The following NR6A1 variants were observed in gnomAD, a reference collection of about 807,000 sequenced individuals.
The protein encoded by NR6A1 is nuclear receptor subfamily 6 group A member 1.
Under a neutral mutation model 59.1 loss-of-function variants are expected in NR6A1, and 7 were observed. The ratio of observed to expected loss-of-function variants is 0.12; its 90% CI spans 0.07 to 0.22. The LOEUF (loss-of-function observed/expected upper bound fraction) is 0.22, where lower values mean the gene tolerates loss of function less well. Ranked by LOEUF, NR6A1 falls within the 10% of genes least tolerant of loss-of-function variation. The probability of loss-of-function intolerance (pLI) is 1.00; values close to 1 mark genes in which losing one functional copy is unlikely to be tolerated. For synonymous variants in NR6A1, 243 were observed against 236.1 expected (o/e 1.03, Z -0.27); for missense variants, 468 against 611.6 (o/e 0.77, Z 2.48).
At chr9:124,647,307 A>G (rs758281075) in intron 2 of NR6A1, among the ~76,000 whole-genome samples, 3 of 152,228 alleles carry the variant, frequency 2.0e-5, no homozygotes, top group Non-Finnish European at 2.9e-5. Context: ...CCCAAATCAG[A>G]GATGAAAAGG....
At chr9:124,673,781 C>G (rs1477388777) in intron 2 of NR6A1, among the ~76,000 whole-genome samples, 1 of 152,128 alleles carries the variant, frequency 6.6e-6, no homozygotes, top group African/African-American at 2.4e-5. Context: ...CGACACCTAT[C>G]AAATTTCTCT....
chr9:124,624,877 T>C (rs1041414359), intron 2 of NR6A1, among the ~76,000 whole-genome samples: 1 of 151,802 alleles, frequency 6.6e-6, no homozygotes, highest in Non-Finnish European at 1.5e-5. Context: ...CCTGCTCTAA[T>C]TACTTTTTGA....
intron 7 of NR6A1, 139 bp from the exon 8 acceptor site, chr9:124,527,039 G>A (rs938489042): frequency 3.2e-5 from 32 of 994,510 alleles, no homozygotes; most frequent in Non-Finnish European, 4.1e-5. Context: ...GGAAGTACAG[G>A]CAGATCCATG....
rs1832708958 is a variant in NR6A1, at chr9:124,517,373, C to T, written c.*5332G>A. 6.6e-6 allele frequency: 1 copy of T among 152,274 alleles called. No individual in the cohort carries two copies. The highest frequency in any genetic ancestry group is 2.1e-4 in the South Asian group (1 of 4,828). 9.4% of individuals were successfully genotyped at this position (152,274 alleles called of 1,614,324 possible). ...AATTGGTCACATTTCCACAGGTAGT[C>T]AATTCACAGAACAGGGCCCATCCCT... On this transcript the variant is annotated 3_prime_UTR_variant, in exon 10 of 10. Transcript: ENST00000487099.
At chr9:124,688,829 T>C (rs1457616702) in intron 2 of NR6A1, among the ~76,000 whole-genome samples, 1 of 152,196 alleles carries the variant, frequency 6.6e-6, no homozygotes, top group Non-Finnish European at 1.5e-5. Context: ...TACATGTATT[T>C]AGGGAGAGAA....
chr9:124,602,348 C>T (rs1459338969), intron 2 of NR6A1, among the ~76,000 whole-genome samples: 2 of 152,158 alleles, frequency 1.3e-5, no homozygotes, highest in African/African-American at 4.8e-5. Flanking sequence ...ATTTGGCACC[C>T]GTGACTGTTT....
At chr9:124,680,529 A>G (rs1350654790) in intron 2 of NR6A1, among the ~76,000 whole-genome samples, 1 of 152,196 alleles carries the variant, frequency 6.6e-6, no homozygotes, top group Non-Finnish European at 1.5e-5. Context: ...GTCGCTAAAT[A>G]TTTAGGCAAT....
At chr9:124,733,435 G>A in intron 1 of NR6A1, 86 bp from the exon 2 acceptor site, 1 of 1,028,586 alleles carries the variant, frequency 9.7e-7, no homozygotes, top group Non-Finnish European at 1.5e-6. Flanking sequence ...ACAGTTGGGG[G>A]GAAATCTATA....
intron 2 of NR6A1, among the ~76,000 whole-genome samples, chr9:124,573,666 C>T (rs972248693): frequency 7.9e-5 from 12 of 152,228 alleles, no homozygotes; most frequent in South Asian, 2.1e-4. Context: ...TAAATACAGC[C>T]GCTACATTGT....
At position 124,550,590 on chromosome 9, in the gene NR6A1, T is replaced by C. The variant is rs937949737; in HGVS notation, c.385+3738A>G. Among the ~76,000 whole-genome samples the C allele has an allele frequency of 9.2e-5, 14 of 152,050 alleles. No homozygotes were observed. The South Asian group carries it at 2.7e-3, about 29-fold the overall frequency. On this transcript the variant is annotated intron_variant, in intron 3 of 9. Transcript: ENST00000487099. ...CAAGGCTGGTCTTGAACTCCTGAGC[T>C]TAAGCAATCCACCTGCTCCGGCCTC... is the stretch of plus-strand genomic sequence containing the variant.
At chr9:124,569,805 GTCCAT>G (rs1834385893) in intron 2 of NR6A1, among the ~76,000 whole-genome samples, 1 of 152,176 alleles carries the variant, frequency 6.6e-6, no homozygotes, top group South Asian at 2.1e-4. Context: ...TACATACCAT[GTCCAT>G]TCCACCGCAC....
intron 1 of NR6A1, among the ~76,000 whole-genome samples, chr9:124,747,694 C>G (rs1840374320): frequency 6.6e-6 from 1 of 152,164 alleles, no homozygotes; most frequent in Non-Finnish European, 1.5e-5. Flanking sequence ...CACCAACTCT[C>G]ATCCCCCAAG....
At chr9:124,715,389 G>T (rs1839387387) in intron 2 of NR6A1, among the ~76,000 whole-genome samples, 1 of 151,834 alleles carries the variant, frequency 6.6e-6, no homozygotes, top group South Asian at 2.1e-4. Flanking sequence ...TAGAAAATTG[G>T]CCAGATGTAG....
At chr9:124,670,733 G>A (rs1837770694) in intron 2 of NR6A1, among the ~76,000 whole-genome samples, 1 of 152,084 alleles carries the variant, frequency 6.6e-6, no homozygotes, top group Non-Finnish European at 1.5e-5. Context: ...GATATTGGGG[G>A]CCCAAAAATA....
At chr9:124,767,457 C>T (rs1296370317) in intron 1 of NR6A1, among the ~76,000 whole-genome samples, 1 of 150,802 alleles carries the variant, frequency 6.6e-6, no homozygotes, top group African/African-American at 2.4e-5. Context: ...AATTTGCTCA[C>T]TGTCGCCTTT....
chr9:124,684,791 A>G (rs984862927), intron 2 of NR6A1, among the ~76,000 whole-genome samples: 1 of 152,124 alleles, frequency 6.6e-6, no homozygotes, highest in Non-Finnish European at 1.5e-5. Context: ...ATTTCATACC[A>G]TGGACGGATT....
intron 2 of NR6A1, among the ~76,000 whole-genome samples, chr9:124,583,439 C>A (rs548825825): frequency 8.5e-5 from 13 of 152,268 alleles, no homozygotes; most frequent in African/African-American, 3.1e-4. Context: ...AAGTGTTAAA[C>A]CTCCAGCATC....
intron 2 of NR6A1, among the ~76,000 whole-genome samples, chr9:124,707,104 T>G (rs952626784): frequency 2.6e-5 from 4 of 151,968 alleles, no homozygotes; most frequent in South Asian, 4.1e-4. Flanking sequence ...TTCCTGCCCC[T>G]TTCTCTCATT....
chr9:124,520,487 T>C lies in NR6A1; in HGVS notation c.*2218A>G, dbSNP rs1588631465. On this transcript the variant is annotated 3_prime_UTR_variant, in exon 10 of 10. Transcript: ENST00000487099. ...ACTTGCTCTGTTCAATACTACGTTG[T>C]TGGAGAGACATGTTCTTGCCTCATC... 1 of 152,392 alleles carries C rather than the reference T, an allele frequency of 6.6e-6. No individual in the cohort carries two copies. The highest frequency in any genetic ancestry group is 1.9e-4 in the East Asian group (1 of 5,190). 9.4% of individuals were successfully genotyped at this position (152,392 alleles called of 1,614,324 possible). A position where few individuals can be genotyped will look rare whatever the true frequency, so the allele number is the denominator to read the frequency against.
Sources: gnomAD v4.1 joint callset for allele counts (sites outside exome capture counted in the v4.1 genomes callset) on GRCh38, gnomAD v4.1.1 for gene constraint, MANE v1.5 for transcripts, NCBI Gene and HGNC (gene_info 2026-07-23, HGNC 2026-07-21) for gene names.